LOC128125817: variants seen among roughly 807,000 people sequenced by gnomAD.
At chr1:41,603,373 AT>A in the LOC128125817 span, among the ~76,000 whole-genome samples, 3 of 119,824 alleles carry the variant, frequency 2.5e-5, no homozygotes, top group Non-Finnish European at 3.5e-5. Flanking sequence ...TGGCCTATTT[AT>A]TTTTTTAGAT....
the LOC128125817 span, among the ~76,000 whole-genome samples, chr1:41,611,200 G>A: frequency 7.9e-5 from 12 of 152,166 alleles, no homozygotes; most frequent in Non-Finnish European, 1.3e-4. Flanking sequence ...ATAAACAAAC[G>A]CTAAGTTGAA....
At chr1:41,607,459 C>A in the LOC128125817 span, among the ~76,000 whole-genome samples, 1 of 152,200 alleles carries the variant, frequency 6.6e-6, no homozygotes, top group Non-Finnish European at 1.5e-5. Context: ...TAGCAACCTG[C>A]TCCTCTGATA....
chr1:41,625,931 C>T, the LOC128125817 span, among the ~76,000 whole-genome samples: 2 of 152,190 alleles, frequency 1.3e-5, no homozygotes, highest in Non-Finnish European at 2.9e-5. Flanking sequence ...CAAGATTTGG[C>T]TTTTAAAAAT....
the LOC128125817 span, among the ~76,000 whole-genome samples, chr1:41,610,393 C>T: frequency 1.3e-5 from 2 of 152,172 alleles, no homozygotes; most frequent in Admixed American, 6.5e-5. Flanking sequence ...TCTTTTAGGC[C>T]AAGGAGCCAG....
At chr1:41,613,731 GT>G in the LOC128125817 span, among the ~76,000 whole-genome samples, 2 of 152,296 alleles carry the variant, frequency 1.3e-5, no homozygotes, top group African/African-American at 4.8e-5. Context: ...TCACAGGGTT[GT>G]GCAACCATCC....
chr1:41,604,817 G>C, the LOC128125817 span, among the ~76,000 whole-genome samples: 1 of 152,114 alleles, frequency 6.6e-6, no homozygotes, highest in African/African-American at 2.4e-5. Flanking sequence ...TTAGAAAATA[G>C]GATAGCCCAG....
At chr1:41,591,438 A>G in the LOC128125817 span, among the ~76,000 whole-genome samples, 1 of 152,140 alleles carries the variant, frequency 6.6e-6, no homozygotes, top group Non-Finnish European at 1.5e-5. Context: ...ATAAGAACAC[A>G]GGCAGGCGAT....
chr1:41,606,985 TTTTTTA>T, the LOC128125817 span, among the ~76,000 whole-genome samples: 1 of 152,132 alleles, frequency 6.6e-6, no homozygotes, highest in Non-Finnish European at 1.5e-5. Flanking sequence ...TGTTTCTTTT[TTTTTTA>T]TTTTTATTTT....
At chr1:41,604,621 GC>G in the LOC128125817 span, among the ~76,000 whole-genome samples, 1 of 152,258 alleles carries the variant, frequency 6.6e-6, no homozygotes, top group Non-Finnish European at 1.5e-5. Context: ...CAGCAAGAAG[GC>G]CCTCACCAGA....
At chr1:41,594,102 T>C in the LOC128125817 span, among the ~76,000 whole-genome samples, 1 of 152,232 alleles carries the variant, frequency 6.6e-6, no homozygotes, top group Non-Finnish European at 1.5e-5. Flanking sequence ...TTAAATCACA[T>C]CTACAAATTA....
chr1:41,622,399 G>A, the LOC128125817 span, among the ~76,000 whole-genome samples: 1 of 152,168 alleles, frequency 6.6e-6, no homozygotes, highest in Non-Finnish European at 1.5e-5. Context: ...GGGTGGGGGA[G>A]GAAGAAGGAT....
the LOC128125817 span, among the ~76,000 whole-genome samples, chr1:41,610,688 C>CT: frequency 6.6e-6 from 1 of 152,244 alleles, no homozygotes; most frequent in Non-Finnish European, 1.5e-5. Flanking sequence ...GCTTCTCCAG[C>CT]TCCACCCAGG....
the LOC128125817 span, among the ~76,000 whole-genome samples, chr1:41,622,178 C>G: frequency 6.6e-6 from 1 of 152,174 alleles, no homozygotes; most frequent in African/African-American, 2.4e-5. Context: ...AAGGCCGAAT[C>G]CCTGCCTAGA....
the LOC128125817 span, among the ~76,000 whole-genome samples, chr1:41,606,345 C>T: frequency 2.0e-3 from 297 of 152,096 alleles, 1 homozygote; most frequent in Admixed American, 3.5e-3. Flanking sequence ...CTTTCCACTT[C>T]CTTCCCTCCT....
the LOC128125817 span, among the ~76,000 whole-genome samples, chr1:41,624,573 C>G: frequency 6.6e-6 from 1 of 152,174 alleles, no homozygotes; most frequent in African/African-American, 2.4e-5. Flanking sequence ...AAATTCAGGA[C>G]TCTATATGCG....
the LOC128125817 span, among the ~76,000 whole-genome samples, chr1:41,619,902 G>A: frequency 6.6e-6 from 1 of 152,162 alleles, no homozygotes; most frequent in African/African-American, 2.4e-5. Context: ...GAGCACCTAG[G>A]CATGGCTGGC....
At chr1:41,628,393 G>A in the LOC128125817 span, among the ~76,000 whole-genome samples, 1 of 152,194 alleles carries the variant, frequency 6.6e-6, no homozygotes, top group Non-Finnish European at 1.5e-5. Context: ...GGAGCACACA[G>A]TTGGACTGGC....
chr1:41,606,192 TG>T, the LOC128125817 span, among the ~76,000 whole-genome samples: 1 of 151,956 alleles, frequency 6.6e-6, no homozygotes, highest in Non-Finnish European at 1.5e-5. Flanking sequence ...CAATTTTTGG[TG>T]GTTACCAATT....
the LOC128125817 span, among the ~76,000 whole-genome samples, chr1:41,619,039 G>A: frequency 6.7e-6 from 1 of 150,254 alleles, no homozygotes; most frequent in African/African-American, 2.5e-5. Flanking sequence ...AGCCTCCACA[G>A]CCTCCTTCGG....
Sources: allele counts gnomAD v4.1 joint callset (sites outside exome capture counted in the v4.1 genomes callset), GRCh38; gene constraint gnomAD v4.1.1; transcripts MANE v1.5.